Variants in MDGA2 observed in about 807,000 individuals in gnomAD.
MDGA2 encodes the protein MAM domain-containing glycosylphosphatidylinositol anchor protein 2.
MDGA2 carries 40 observed loss-of-function variants against 117.8 expected under a neutral mutation model. The ratio of observed to expected loss-of-function variants is 0.34; its 90% CI spans 0.26 to 0.44. MDGA2 has a LOEUF of 0.44. Among genes scored for constraint, MDGA2 ranks in the 20% least tolerant of loss-of-function variants. The pLI is 1.00. For synonymous variants in MDGA2, 452 were observed against 439.0 expected, an observed-to-expected ratio of 1.03 and a Z score of -0.37; for missense variants, 1,123 against 1,250.6, an observed-to-expected ratio of 0.90 and a Z score of 1.54.
intron 1 of MDGA2, among the ~76,000 whole-genome samples, chr14:47,491,047 G>A (rs559587695): frequency 8.5e-4 from 129 of 152,242 alleles, no homozygotes; most frequent in African/African-American, 3.0e-3. Flanking sequence ...CAAACAGATA[G>A]AGGATTAGAT....
intron 2 of MDGA2, among the ~76,000 whole-genome samples, chr14:47,254,733 A>C (rs1285332184): frequency 6.6e-6 from 1 of 152,170 alleles, no homozygotes; most frequent in Non-Finnish European, 1.5e-5. Context: ...TTCTTATAGC[A>C]GAGCCCCATT....
chr14:47,670,503 T>A (rs917000831), intron 1 of MDGA2, among the ~76,000 whole-genome samples: 3 of 152,138 alleles, frequency 2.0e-5, no homozygotes, highest in Non-Finnish European at 4.4e-5. Context: ...GTCAATAGGA[T>A]CTCTAGAAAA....
At chr14:47,483,654 C>T (rs541403943) in intron 1 of MDGA2, among the ~76,000 whole-genome samples, 2 of 152,270 alleles carry the variant, frequency 1.3e-5, no homozygotes, top group Admixed American at 1.3e-4. Context: ...ATGAGTACAT[C>T]ACAGAAGTCA....
intron 5 of MDGA2, among the ~76,000 whole-genome samples, chr14:47,114,955 CAAAAA>C (rs35950492): frequency 1.1e-4 from 14 of 127,316 alleles, no homozygotes; most frequent in African/African-American, 2.2e-4. Context: ...TCTGCACAGC[CAAAAA>C]AAAAAAAAAA....
At chr14:47,483,146 G>T (rs1239136020) in intron 1 of MDGA2, among the ~76,000 whole-genome samples, 3 of 151,954 alleles carry the variant, frequency 2.0e-5, no homozygotes, top group Admixed American at 6.6e-5. Flanking sequence ...ACATCAGTTG[G>T]AGTATCTTTA....
At chr14:47,613,000 C>A (rs8015075) in intron 1 of MDGA2, among the ~76,000 whole-genome samples, 38,041 of 152,026 alleles carry the variant, frequency 0.25, 5,760 homozygotes, top group South Asian at 0.47. Flanking sequence ...TCCCTTATTG[C>A]GGGTATTGAA....
intron 6 of MDGA2, among the ~76,000 whole-genome samples, chr14:47,083,875 A>G (rs1457985956): frequency 6.6e-6 from 1 of 152,020 alleles, no homozygotes; most frequent in Non-Finnish European, 1.5e-5. Flanking sequence ...AGTCACAGCA[A>G]TTGTAAATCT....
At chr14:46,957,016 G>A (rs749221240) in intron 9 of MDGA2, among the ~76,000 whole-genome samples, 1 of 152,084 alleles carries the variant, frequency 6.6e-6, no homozygotes, top group African/African-American at 2.4e-5. Context: ...TCCCAGTCAT[G>A]CTTCCTGTTT....
In MDGA2 at chr14:47,210,131, G is replaced by A. The variant is rs116641445; in HGVS notation, c.595+7890C>T. ...TACTTGTAAAATAAACTGATAATAT[G>A]TTATACTAATCTCCCAGTTGAAAAT... On this transcript the variant is annotated intron_variant, in intron 3 of 16. Coordinates refer to ENST00000399232, the MANE Select transcript of MDGA2 (RefSeq NM_001113498.3). Among the ~76,000 whole-genome samples, 698 of 152,234 alleles carry A rather than the reference G, an allele frequency of 4.6e-3. 8 individuals are homozygous for A. The highest frequency in any genetic ancestry group is 0.016 in the African/African-American group (664 of 41,554).
intron 6 of MDGA2, among the ~76,000 whole-genome samples, chr14:47,071,356 G>A (rs1014496053): frequency 1.3e-5 from 2 of 152,182 alleles, no homozygotes; most frequent in African/African-American, 4.8e-5. Flanking sequence ...AGATCCGGAT[G>A]TGTTGGTTAA....
intron 8 of MDGA2, among the ~76,000 whole-genome samples, chr14:46,966,879 C>G (rs184762569): frequency 7.0e-6 from 1 of 142,994 alleles, no homozygotes; most frequent in East Asian, 2.1e-4. Context: ...ATGAAAATAC[C>G]AGATTATAGG....
At chr14:47,513,737 C>T (rs1894692749) in intron 1 of MDGA2, among the ~76,000 whole-genome samples, 1 of 152,026 alleles carries the variant, frequency 6.6e-6, no homozygotes, top group Admixed American at 6.6e-5. Flanking sequence ...ATTAAATTGG[C>T]ATTCCCTATC....
chr14:47,660,209 C>T (rs935074961), intron 1 of MDGA2, among the ~76,000 whole-genome samples: 6 of 152,164 alleles, frequency 3.9e-5, no homozygotes, highest in African/African-American at 1.4e-4. Context: ...TCAATTGCCT[C>T]TGAAAATTTG....
chr14:47,070,132 C>T (rs376091364), intron 6 of MDGA2, among the ~76,000 whole-genome samples: 43 of 152,082 alleles, frequency 2.8e-4, no homozygotes, highest in East Asian at 9.6e-4. Flanking sequence ...ACTATAGTCA[C>T]CCTGTTGTGC....
intron 9 of MDGA2, among the ~76,000 whole-genome samples, chr14:46,952,543 A>G (rs1885406154): frequency 6.6e-6 from 1 of 152,014 alleles, no homozygotes; most frequent in African/African-American, 2.4e-5. Flanking sequence ...GAGTTTATTT[A>G]CATGTTCAGA....
intron 8 of MDGA2, among the ~76,000 whole-genome samples, chr14:47,015,832 T>C (rs1400268623): frequency 1.3e-5 from 2 of 151,520 alleles, no homozygotes; most frequent in Admixed American, 6.6e-5. Flanking sequence ...GGAGAAAAAA[T>C]AAACCCCCAA....
Position 47,519,718 on chromosome 14 carries a change from G to GA in MDGA2, c.280+154798dup, listed in dbSNP as rs943874705. 1.8e-4 allele frequency among the ~76,000 whole-genome samples: 27 copies of GA among 151,770 alleles called. No homozygotes were observed. In the South Asian group the frequency reaches 5.4e-3, roughly 30 times the overall value. On this transcript the variant is annotated intron_variant, in intron 1 of 16. Coordinates refer to ENST00000399232, the MANE Select transcript of MDGA2 (RefSeq NM_001113498.3). ...TCTTCTGGAGTCATCTTTTCATTTG[G>GA]AAAAAAAATTATGAGTTTACACCAT...
chr14:46,863,388 T>G (rs1881592025), intron 14 of MDGA2, among the ~76,000 whole-genome samples: 1 of 152,174 alleles, frequency 6.6e-6, no homozygotes, highest in Non-Finnish European at 1.5e-5. Context: ...TTTATCATAT[T>G]TGTCATTTAT....
At chr14:47,563,105 T>C (rs865962528) in intron 1 of MDGA2, among the ~76,000 whole-genome samples, 2 of 152,098 alleles carry the variant, frequency 1.3e-5, no homozygotes, top group Admixed American at 1.3e-4. Context: ...GCATGGTTGG[T>C]ATGATTTCAT....
Sources: gnomAD v4.1 joint callset for allele counts (sites outside exome capture counted in the v4.1 genomes callset) on GRCh38, gnomAD v4.1.1 for gene constraint, MANE v1.5 for transcripts, NCBI Gene and HGNC (gene_info 2026-07-23, HGNC 2026-07-21) for gene names.